Variants in DLG2 observed in about 807,000 individuals in gnomAD.
The protein encoded by DLG2 is disks large homolog 2.
A neutral mutation model predicts 132.5 loss-of-function variants in DLG2; 45 were observed. The observed-to-expected ratio is 0.34, with a 90% CI of 0.27 to 0.44. The LOEUF (loss-of-function observed/expected upper bound fraction) is 0.44. Ranked by LOEUF, DLG2 falls within the 20% of genes least tolerant of loss-of-function variation. The pLI is 1.00. For synonymous variants in DLG2, 424 were observed against 419.6 expected (o/e 1.01, Z -0.13); for missense variants, 1,045 against 1,196.9 (o/e 0.87, Z 1.87).
At chr11:84,581,494 G>A (rs2099516153) in intron 6 of DLG2, among the ~76,000 whole-genome samples, 1 of 152,126 alleles carries the variant, frequency 6.6e-6, no homozygotes, top group Admixed American at 6.5e-5. Context: ...CACAAACTAT[G>A]GGACAACTCT....
chr11:84,997,721 G>A (rs913034020), intron 6 of DLG2: 11 of 152,192 alleles, frequency 7.2e-5, no homozygotes, highest in Non-Finnish European at 1.3e-4. Flanking sequence ...GAGCAAGCAG[G>A]TCTTGACATA....
At chr11:85,165,658 C>T (rs535680407) in intron 4 of DLG2, among the ~76,000 whole-genome samples, 3 of 152,280 alleles carry the variant, frequency 2.0e-5, no homozygotes, top group Admixed American at 1.3e-4. Context: ...AGATGGAATG[C>T]TTCCTGATTT....
chr11:84,257,385 T>G (rs2097490200), intron 7 of DLG2, among the ~76,000 whole-genome samples: 1 of 152,214 alleles, frequency 6.6e-6, no homozygotes, highest in Non-Finnish European at 1.5e-5. Flanking sequence ...TGTAGTATTA[T>G]GACCCTGCCA....
intron 6 of DLG2, among the ~76,000 whole-genome samples, chr11:85,111,149 C>T (rs2072668685): frequency 6.6e-6 from 1 of 152,056 alleles, no homozygotes; most frequent in South Asian, 2.1e-4. Context: ...ATCTGTAGCA[C>T]AAGGATAATG....
At chr11:85,295,202 A>T (rs948168475) in intron 3 of DLG2, among the ~76,000 whole-genome samples, 6 of 152,110 alleles carry the variant, frequency 3.9e-5, no homozygotes, top group African/African-American at 1.4e-4. Context: ...CCTCACAAAG[A>T]TTTACCATGT....
At chr11:84,330,525 G>A (rs2098453606) in intron 7 of DLG2, among the ~76,000 whole-genome samples, 1 of 152,088 alleles carries the variant, frequency 6.6e-6, no homozygotes, top group Admixed American at 6.6e-5. Context: ...AATAAATTAA[G>A]GTCCATATAA....
At chr11:84,758,981 G>C (rs1277923150) in intron 6 of DLG2, among the ~76,000 whole-genome samples, 1 of 152,126 alleles carries the variant, frequency 6.6e-6, no homozygotes, top group Non-Finnish European at 1.5e-5. Context: ...GGATTCAAGT[G>C]ATTCTCATGC....
chr11:84,359,118 A>G (rs1260967008), intron 7 of DLG2, among the ~76,000 whole-genome samples: 1 of 151,936 alleles, frequency 6.6e-6, no homozygotes, highest in Non-Finnish European at 1.5e-5. Flanking sequence ...AAATGATTCC[A>G]TTTTCAATAC....
chr11:85,475,876 T>C (rs1431743548), intron 3 of DLG2, among the ~76,000 whole-genome samples: 1 of 152,106 alleles, frequency 6.6e-6, no homozygotes, highest in African/African-American at 2.4e-5. Flanking sequence ...CTACAACATA[T>C]GTTCTTTCTC....
At chr11:84,631,115 A>T (rs868603520) in intron 6 of DLG2, among the ~76,000 whole-genome samples, 1 of 151,116 alleles carries the variant, frequency 6.6e-6, no homozygotes, top group Non-Finnish European at 1.5e-5. Flanking sequence ...GTGTAGAAAA[A>T]TGCTGTTGAA....
chr11:84,464,536 T>A (rs1344578301), intron 7 of DLG2, among the ~76,000 whole-genome samples: 1 of 151,266 alleles, frequency 6.6e-6, no homozygotes, highest in Non-Finnish European at 1.5e-5. Context: ...TTTAACTATC[T>A]GTTTTGACTT....
intron 6 of DLG2, among the ~76,000 whole-genome samples, chr11:85,103,442 T>C (rs1314644862): frequency 6.6e-6 from 1 of 151,896 alleles, no homozygotes; most frequent in African/African-American, 2.4e-5. Context: ...AGTCCATAAA[T>C]GGACACTTAT....
intron 4 of DLG2, among the ~76,000 whole-genome samples, chr11:85,198,356 T>G (rs1402850029): frequency 6.6e-6 from 1 of 152,158 alleles, no homozygotes; most frequent in Non-Finnish European, 1.5e-5. Context: ...CTGAAAATTA[T>G]GAAAATTCTC....
At chr11:84,169,870 C>T (rs2095777233) in intron 8 of DLG2, among the ~76,000 whole-genome samples, 1 of 55,916 alleles carries the variant, frequency 1.8e-5, no homozygotes, top group Non-Finnish European at 4.6e-5. Flanking sequence ...GAGACTTGGT[C>T]TCAAAAAAAA....
chr11:84,111,267 G>A (rs2093336185), intron 9 of DLG2, among the ~76,000 whole-genome samples: 2 of 152,134 alleles, frequency 1.3e-5, no homozygotes, highest in African/African-American at 2.4e-5. Context: ...TTTCTTTGCT[G>A]TTGAATTTCT....
intron 14 of DLG2, among the ~76,000 whole-genome samples, chr11:83,932,056 G>A (rs61536263): frequency 0.093 from 14,119 of 152,130 alleles, 1,322 homozygotes; most frequent in African/African-American, 0.24. Flanking sequence ...GATTGTGAGA[G>A]CACTTAATAT....
chr11:84,588,718 T>A (rs562388190), intron 6 of DLG2, among the ~76,000 whole-genome samples: 2 of 151,758 alleles, frequency 1.3e-5, no homozygotes, highest in Non-Finnish European at 1.5e-5. Context: ...ATAAGACAGG[T>A]TGCAATAAAG....
intron 16 of DLG2, among the ~76,000 whole-genome samples, chr11:83,870,384 T>G (rs914794433): frequency 4.6e-5 from 7 of 152,234 alleles, no homozygotes; most frequent in African/African-American, 7.2e-5. Flanking sequence ...TGTTTCTGAT[T>G]GTTTCACTTA....
intron 3 of DLG2, among the ~76,000 whole-genome samples, chr11:85,325,178 G>A (rs1309510461): frequency 8.1e-4 from 118 of 146,248 alleles, no homozygotes; most frequent in African/African-American, 2.6e-3. Flanking sequence ...ACTGCAAGGC[G>A]GCAACGAGGC....
Sources: gnomAD v4.1 joint callset for allele counts (sites outside exome capture counted in the v4.1 genomes callset) on GRCh38, gnomAD v4.1.1 for gene constraint, MANE v1.5 for transcripts, NCBI Gene and HGNC (gene_info 2026-07-23, HGNC 2026-07-21) for gene names.